ZMIZ1: variants seen among roughly 807,000 people sequenced by gnomAD.
ZMIZ1 encodes the protein zinc finger MIZ domain-containing protein 1.
ZMIZ1 carries 17 observed loss-of-function variants against 113.9 expected under a neutral mutation model. The ratio of observed to expected loss-of-function variants is 0.15; its 90% CI spans 0.10 to 0.22. The LOEUF (loss-of-function observed/expected upper bound fraction) is 0.22. Ranked by LOEUF, ZMIZ1 falls within the 10% of genes least tolerant of loss-of-function variation. The pLI is 1.00. For synonymous variants in ZMIZ1, 607 were observed against 603.1 expected (o/e 1.01, Z -0.09); for missense variants, 1,059 against 1,477.8 (o/e 0.72, Z 4.65).
intron 1 of ZMIZ1, among the ~76,000 whole-genome samples, chr10:79,105,487 G>C (rs77249489): frequency 1.3e-5 from 2 of 152,220 alleles, no homozygotes; most frequent in Non-Finnish European, 2.9e-5. Context: ...AAACAAAAGT[G>C]ACCGTTGGCA....
chr10:79,218,584 G>GGTGTGT (rs55736085), intron 7 of ZMIZ1, among the ~76,000 whole-genome samples: 266 of 147,896 alleles, frequency 1.8e-3, no homozygotes, highest in Middle Eastern at 0.01. Flanking sequence ...TAATTAGAGG[G>GGTGTGT]GTGTGTGTGT....
At chr10:79,072,309 G>T (rs964156860) in intron 1 of ZMIZ1, among the ~76,000 whole-genome samples, 9 of 152,176 alleles carry the variant, frequency 5.9e-5, no homozygotes, top group African/African-American at 1.9e-4. Context: ...CAATAACAAC[G>T]ATGTCTCCAT....
Position 79,248,975 on chromosome 10 carries a change from T to C in ZMIZ1, c.281-28206T>C, listed in dbSNP as rs1850377064. Among the ~76,000 whole-genome samples the C allele has an allele frequency of 2.6e-5, 4 of 152,272 alleles. No individual in the cohort carries two copies. The East Asian group carries it at 7.7e-4, about 29-fold the overall frequency. The stretch of plus-strand genomic sequence containing the variant: ...CCTGAGGCACTAGTGATTTACCAGC[T>C]CCCTGTCTGCCTCCCAAGAGCTTAT... On this transcript the variant is annotated intron_variant, in intron 7 of 24. Transcript: ENST00000334512.
In ZMIZ1 at chr10:79,163,152, G is replaced by T. The variant is rs78689605; in HGVS notation, c.-50+1019G>T. 5.4e-3 allele frequency among the ~76,000 whole-genome samples: 819 copies of T among 152,376 alleles called. 36 individuals are homozygous for T. In the East Asian group the frequency reaches 0.11, roughly 21 times the overall value. On this transcript the variant is annotated intron_variant, in intron 4 of 24. Coordinates refer to ENST00000334512, the MANE Select transcript of ZMIZ1 (RefSeq NM_020338.4). ...AGGCGTCGTGGTGCTGGGGCAGCCC[G>T]GGAGGGGGGAGTCTTCGCCCTGGTG...
At chr10:79,219,314 C>T (rs977268945) in intron 7 of ZMIZ1, among the ~76,000 whole-genome samples, 4 of 152,228 alleles carry the variant, frequency 2.6e-5, no homozygotes, top group East Asian at 1.9e-4. Context: ...CCTGCTGGCA[C>T]GTGCTGGGTG....
At chr10:79,283,233 CT>C (rs1443778067) in intron 8 of ZMIZ1, among the ~76,000 whole-genome samples, 9 of 152,222 alleles carry the variant, frequency 5.9e-5, no homozygotes, top group African/African-American at 2.2e-4. Flanking sequence ...GGGAGGGCCC[CT>C]GGCATCCCCT....
At chr10:79,240,992 A>G (rs1380339153) in intron 7 of ZMIZ1, among the ~76,000 whole-genome samples, 1 of 152,176 alleles carries the variant, frequency 6.6e-6, no homozygotes, top group Non-Finnish European at 1.5e-5. Context: ...AGTCCCAAAC[A>G]TGCGGGTCTT....
intron 7 of ZMIZ1, among the ~76,000 whole-genome samples, chr10:79,268,239 C>A (rs995379175): frequency 6.6e-6 from 1 of 152,228 alleles, no homozygotes; most frequent in African/African-American, 2.4e-5. Context: ...CTGCTGTGAA[C>A]TGCTTGCCTC....
intron 7 of ZMIZ1, among the ~76,000 whole-genome samples, chr10:79,266,206 G>T (rs537799338): frequency 6.6e-6 from 1 of 152,314 alleles, no homozygotes; most frequent in South Asian, 2.1e-4. Flanking sequence ...AGAAGCTGGG[G>T]TTGGCACCAA....
intron 23 of ZMIZ1, among the ~76,000 whole-genome samples, chr10:79,308,353 G>C (rs760992169): frequency 1.3e-5 from 2 of 152,252 alleles, no homozygotes; most frequent in African/African-American, 4.8e-5. Context: ...AACAGTTGGA[G>C]TTTGGAGAAA....
intron 8 of ZMIZ1, among the ~76,000 whole-genome samples, chr10:79,289,539 G>A (rs1304353054): frequency 6.6e-6 from 1 of 152,222 alleles, no homozygotes; most frequent in African/African-American, 2.4e-5. Context: ...AGCCATGGAA[G>A]TAGCTCTCTG....
chr10:79,293,788 G>A (rs746750964), intron 12 of ZMIZ1, 135 bp downstream of exon 12: 1 of 1,366,100 alleles, frequency 7.3e-7, no homozygotes, highest in South Asian at 1.2e-5. Flanking sequence ...GGGCTTAGGG[G>A]TCAGGTGCTC....
intron 7 of ZMIZ1, among the ~76,000 whole-genome samples, chr10:79,272,896 C>G (rs1254421116): frequency 6.6e-6 from 1 of 152,204 alleles, no homozygotes; most frequent in Non-Finnish European, 1.5e-5. Flanking sequence ...TGTCCCAGCC[C>G]CAGCTGTGGT....
intron 7 of ZMIZ1, among the ~76,000 whole-genome samples, chr10:79,267,175 G>A (rs1259011173): frequency 1.3e-5 from 2 of 152,226 alleles, no homozygotes; most frequent in African/African-American, 4.8e-5. Flanking sequence ...GTGAGGGCCT[G>A]GGGTGTCTGG....
chr10:79,315,648 A>G lies in ZMIZ1; in HGVS notation c.*2899A>G, dbSNP rs1294099861. On this transcript the variant is annotated 3_prime_UTR_variant, in exon 25 of 25. Coordinates refer to ENST00000334512, the MANE Select transcript of ZMIZ1 (RefSeq NM_020338.4). ...TTTTATTTTTTAAGAAACTGCTAATACTTTCTCCCTAATGGAAGCCCTGAT... is the reference window on the plus strand; with the variant it reads ...TTTTATTTTTTAAGAAACTGCTAATGCTTTCTCCCTAATGGAAGCCCTGAT... 1 of 152,786 alleles carries G rather than the reference A, an allele frequency of 6.5e-6. No homozygotes were observed. The highest frequency in any genetic ancestry group is 1.5e-5 in the Non-Finnish European group (1 of 68,064). 9.5% of individuals were successfully genotyped at this position (152,786 alleles called of 1,614,324 possible).
rs796220651 is a variant in ZMIZ1 at position 79,157,370 on chromosome 10, T to G, written c.-130-4683T>G. Among the ~76,000 whole-genome samples, 7 of 29,246 alleles carry G rather than the reference T, an allele frequency of 2.4e-4. No homozygotes were observed. In the African/African-American group the frequency reaches 3.5e-3, roughly 14 times the overall value. 19.2% of individuals were successfully genotyped at this position (29,246 alleles called of 152,430 possible). A position where few individuals can be genotyped will look rare whatever the true frequency, so the allele number is the denominator to read the frequency against. On this transcript the variant is annotated intron_variant, in intron 3 of 24. Transcript: ENST00000334512. ...TGGTTCTCTCTGCAGGCATAAGGGGTGTGTGTGTGTGTGTGTGTGTGTGTG... is the reference window on the plus strand; with the variant it reads ...TGGTTCTCTCTGCAGGCATAAGGGGGGTGTGTGTGTGTGTGTGTGTGTGTG...
chr10:79,278,379 C>CA (rs1311172985), intron 8 of ZMIZ1, among the ~76,000 whole-genome samples: 1 of 151,750 alleles, frequency 6.6e-6, no homozygotes, highest in Non-Finnish European at 1.5e-5. Flanking sequence ...TGCATTTACA[C>CA]AGGGTAGTTT....
chr10:79,309,798 G>A (rs1564608981), intron 23 of ZMIZ1, among the ~76,000 whole-genome samples: 1 of 152,270 alleles, frequency 6.6e-6, no homozygotes, highest in South Asian at 2.1e-4. Context: ...CAGGGTGAGG[G>A]GATGAAAAGA....
rs529856336 is a variant in ZMIZ1 at position 79,271,487 on chromosome 10, G to T, written c.281-5694G>T. 4.6e-5 allele frequency among the ~76,000 whole-genome samples: 7 copies of T among 152,294 alleles called. No homozygotes were observed. The South Asian group carries it at 1.2e-3, about 27-fold the overall frequency. Reference sequence around the variant, plus strand: ...CAACTGGGATCAGGTCTTGGGTGTTGGTTTCAGGCTATGCCTCAGCAGCCT... The same window carrying T: ...CAACTGGGATCAGGTCTTGGGTGTTTGTTTCAGGCTATGCCTCAGCAGCCT... On this transcript the variant is annotated intron_variant, in intron 7 of 24. Coordinates refer to ENST00000334512, the MANE Select transcript of ZMIZ1 (RefSeq NM_020338.4).
Sources: allele counts gnomAD v4.1 joint callset (sites outside exome capture counted in the v4.1 genomes callset), GRCh38; gene constraint gnomAD v4.1.1; transcripts MANE v1.5; gene names NCBI Gene and HGNC (gene_info 2026-07-23, HGNC 2026-07-21).